The following TMEM117 variants were observed in gnomAD, a reference collection of about 807,000 sequenced individuals.
TMEM117 encodes transmembrane protein 117.
In TMEM117, 27 loss-of-function variants were observed where a neutral mutation model predicts 52.4. The observed-to-expected ratio is 0.51, with a 90% CI of 0.38 to 0.71. The LOEUF (loss-of-function observed/expected upper bound fraction) is 0.71. Ranked by LOEUF, TMEM117 falls within the 30% of genes least tolerant of loss-of-function variation. The pLI is 0.00. For missense variants in TMEM117, 556 were observed against 630.5 expected, an observed-to-expected ratio of 0.88 and a Z score of 1.26; for synonymous variants, 215 against 206.3, an observed-to-expected ratio of 1.04 and a Z score of -0.36.
At chr12:43,980,160 AT>A (rs1008999473) in intron 3 of TMEM117, among the ~76,000 whole-genome samples, 9 of 152,088 alleles carry the variant, frequency 5.9e-5, no homozygotes, top group Admixed American at 1.3e-4. Context: ...CAAAACCTGC[AT>A]TTCCTCTTTG....
At chr12:44,225,715 A>G in intron 5 of TMEM117, among the ~76,000 whole-genome samples, 1 of 152,186 alleles carries the variant, frequency 6.6e-6, no homozygotes, top group Non-Finnish European at 1.5e-5. Context: ...TTGGACACTT[A>G]GCATCATTGC....
At chr12:44,204,508 GATTCAGTGCTATTTCTACC>G (rs1455853208) in intron 4 of TMEM117, among the ~76,000 whole-genome samples, 2 of 151,304 alleles carry the variant, frequency 1.3e-5, no homozygotes, top group Non-Finnish European at 2.9e-5. Context: ...GCAATTTACA[GATTCAGTGCTATTTCTACC>G]ATTTTTCACA....
chr12:43,984,700 G>T (rs554355049), intron 3 of TMEM117, among the ~76,000 whole-genome samples: 1 of 152,218 alleles, frequency 6.6e-6, no homozygotes, highest in East Asian at 1.9e-4. Context: ...GTAATGCCTT[G>T]TGTTTGAACC....
intron 5 of TMEM117, chr12:44,248,718 G>C (rs1028963025): frequency 2.4e-5 from 4 of 166,212 alleles, no homozygotes; most frequent in African/African-American, 9.6e-5. Flanking sequence ...AATGATCCAG[G>C]TGCTGAGGGC....
chr12:44,213,609 G>A (rs1054392937), intron 5 of TMEM117, among the ~76,000 whole-genome samples: 1 of 152,194 alleles, frequency 6.6e-6, no homozygotes, highest in Non-Finnish European at 1.5e-5. Flanking sequence ...CTTGTCGTGG[G>A]AGGGACCCAG....
intron 3 of TMEM117, among the ~76,000 whole-genome samples, chr12:43,960,567 T>C (rs1945385759): frequency 6.6e-6 from 1 of 152,242 alleles, no homozygotes; most frequent in African/African-American, 2.4e-5. Flanking sequence ...GGATCCTTGT[T>C]ACTCTGTGGG....
chr12:44,273,915 C>A (rs1020204302), intron 5 of TMEM117, among the ~76,000 whole-genome samples: 3 of 152,212 alleles, frequency 2.0e-5, no homozygotes, highest in African/African-American at 7.2e-5. Context: ...TGGAACATGA[C>A]AAGAATGCCC....
intron 3 of TMEM117, among the ~76,000 whole-genome samples, chr12:44,019,532 C>T (rs1227565282): frequency 1.3e-5 from 2 of 152,064 alleles, no homozygotes; most frequent in African/African-American, 2.4e-5. Flanking sequence ...TCTCCTCTTC[C>T]TCCTCATCTT....
intron 3 of TMEM117, among the ~76,000 whole-genome samples, chr12:44,065,624 A>G (rs1271000430): frequency 6.6e-6 from 1 of 152,218 alleles, no homozygotes; most frequent in African/African-American, 2.4e-5. Context: ...ACCAAATCAC[A>G]AATTTTATTT....
intron 3 of TMEM117, among the ~76,000 whole-genome samples, chr12:44,027,174 AT>A (rs1227159512): frequency 1.2e-4 from 15 of 123,784 alleles, no homozygotes; most frequent in African/African-American, 3.0e-4. Flanking sequence ...ATTTTATTTT[AT>A]TTTATTTTAT....
At chr12:43,838,537 G>GT (rs780135058) in intron 1 of TMEM117, among the ~76,000 whole-genome samples, 566 of 93,300 alleles carry the variant, frequency 6.1e-3, no homozygotes, top group East Asian at 0.013. Context: ...GAGTCTTCCA[G>GT]TTTTTTTTTT....
chr12:43,837,837 A>G (rs1451460292), intron 1 of TMEM117, among the ~76,000 whole-genome samples: 6 of 152,204 alleles, frequency 3.9e-5, no homozygotes, highest in African/African-American at 9.6e-5. Context: ...AAAAACTTGC[A>G]TTGATTAAGC....
chr12:43,886,611 G>A (rs1592334261), intron 2 of TMEM117, among the ~76,000 whole-genome samples: 2 of 152,050 alleles, frequency 1.3e-5, no homozygotes, highest in Admixed American at 6.6e-5. Flanking sequence ...TTTTTCTGGC[G>A]AGGTAGCCAT....
intron 6 of TMEM117, among the ~76,000 whole-genome samples, chr12:44,330,134 C>A (rs142029025): frequency 6.6e-6 from 1 of 152,148 alleles, no homozygotes; most frequent in African/African-American, 2.4e-5. Context: ...GTTCCAATTT[C>A]TCCACATCCT....
intron 2 of TMEM117, among the ~76,000 whole-genome samples, chr12:43,898,223 C>T (rs997934255): frequency 6.6e-6 from 1 of 151,974 alleles, no homozygotes; most frequent in Non-Finnish European, 1.5e-5. Context: ...CACTCTTAAT[C>T]CTATGAATCT....
At chr12:44,083,346 C>G (rs1410624902) in intron 3 of TMEM117, among the ~76,000 whole-genome samples, 1 of 150,670 alleles carries the variant, frequency 6.6e-6, no homozygotes, top group African/African-American at 2.4e-5. Context: ...GCAATATTAC[C>G]CTTGATCCAT....
At chr12:43,841,413 TA>T (rs1221174922) in intron 1 of TMEM117, among the ~76,000 whole-genome samples, 1 of 152,206 alleles carries the variant, frequency 6.6e-6, no homozygotes, top group Non-Finnish European at 1.5e-5. Context: ...GTGGCAGTGA[TA>T]GTAGCATTCA....
chr12:44,052,899 A>G (rs905330448), intron 3 of TMEM117, among the ~76,000 whole-genome samples: 1 of 152,138 alleles, frequency 6.6e-6, no homozygotes, highest in African/African-American at 2.4e-5. Context: ...TTCCTTGGGC[A>G]TGAGGTGCAG....
the TMEM117 span, among the ~76,000 whole-genome samples, chr12:43,823,511 T>G: frequency 5.9e-5 from 9 of 152,012 alleles, no homozygotes; most frequent in Non-Finnish European, 7.4e-5. Flanking sequence ...TTTTATTTCT[T>G]TATTTATTTA....
Sources: gnomAD v4.1 joint callset for allele counts (sites outside exome capture counted in the v4.1 genomes callset) on GRCh38, gnomAD v4.1.1 for gene constraint, MANE v1.5 for transcripts, NCBI Gene and HGNC (gene_info 2026-07-23, HGNC 2026-07-21) for gene names.